The following MPDZ variants were observed in gnomAD, a reference collection of about 807,000 sequenced individuals.
MPDZ encodes multiple PDZ domain crumbs cell polarity complex component, also known as multiple PDZ domain protein.
A neutral mutation model predicts 239.1 loss-of-function variants in MPDZ; 234 were observed. The ratio of observed to expected loss-of-function variants is 0.98; its 90% CI spans 0.88 to 1.09. MPDZ has a LOEUF of 1.09. Among genes scored for constraint, MPDZ ranks in the 50% least tolerant of loss-of-function variants. The pLI, the probability that MPDZ is intolerant of heterozygous loss-of-function variation, is 0.00. For missense variants in MPDZ, 3,175 were observed against 2,510.0 expected, an observed-to-expected ratio of 1.26 and a Z score of -5.66; for synonymous variants, 1,048 against 881.3, an observed-to-expected ratio of 1.19 and a Z score of -3.35.
In MPDZ at chr9:13,192,013, C is replaced by T. The variant is rs563423244; in HGVS notation, c.1968+118G>A. The T allele has an allele frequency of 4.9e-5, 44 of 902,534 alleles. No individual in the cohort carries two copies. In the African/African-American group the frequency reaches 7.1e-4, roughly 14 times the overall value. The allele number at this position is 902,534 out of a possible 1,614,324, so 55.9% of individuals were successfully genotyped here. A position where few individuals can be genotyped will look rare whatever the true frequency, so the allele number is the denominator to read the frequency against. ...TTGTCTGACTTTAAATTCTATCCTCCAAGCCATGGGCGATGTGAGTAAATC... is the reference window on the plus strand; with the variant it reads ...TTGTCTGACTTTAAATTCTATCCTCTAAGCCATGGGCGATGTGAGTAAATC... On this transcript the variant is annotated intron_variant, in intron 15 of 46. Coordinates refer to ENST00000319217, the MANE Select transcript of MPDZ (RefSeq NM_001378778.1).
chr9:13,193,419 A>C, intron 13 of MPDZ, 106 bp from the exon 14 acceptor site: 112 of 1,252,696 alleles, frequency 8.9e-5, no homozygotes, highest in Non-Finnish European at 1.1e-4. Flanking sequence ...CATCTTTCTC[A>C]CAAAGCTTCA....
chr9:13,271,660 G>C (rs1415200932), intron 1 of MPDZ, among the ~76,000 whole-genome samples: 2 of 152,080 alleles, frequency 1.3e-5, no homozygotes, highest in Non-Finnish European at 2.9e-5. Flanking sequence ...TAATTCACAG[G>C]CCTCACTTAT....
At chr9:13,174,977 G>GT (rs1390418241) in intron 21 of MPDZ, among the ~76,000 whole-genome samples, 1 of 152,102 alleles carries the variant, frequency 6.6e-6, no homozygotes, top group African/African-American at 2.4e-5. Flanking sequence ...AGACGTCAGT[G>GT]TAACGGGTAG....
At chr9:13,247,179 C>G (rs1402951395) in intron 3 of MPDZ, among the ~76,000 whole-genome samples, 6 of 152,248 alleles carry the variant, frequency 3.9e-5, no homozygotes, top group Non-Finnish European at 7.4e-5. Flanking sequence ...GTAATTATTC[C>G]TTTTACTGTC....
At chr9:13,261,961 T>C (rs970374231) in intron 1 of MPDZ, among the ~76,000 whole-genome samples, 2 of 151,612 alleles carry the variant, frequency 1.3e-5, no homozygotes, top group East Asian at 3.9e-4. Flanking sequence ...GAGAAGATTA[T>C]CTGAGCCCAG....
At chr9:13,120,118 C>G (rs1259033284) in intron 38 of MPDZ, 1 of 157,084 alleles carries the variant, frequency 6.4e-6, no homozygotes, top group African/African-American at 2.4e-5. Context: ...AACTAAACAC[C>G]ATTTATTAAC....
At chr9:13,136,865 C>T in intron 29 of MPDZ, 62 bp from the exon 30 acceptor site, 1 of 928,464 alleles carries the variant, frequency 1.1e-6, no homozygotes, top group Non-Finnish European at 1.6e-6. Context: ...TTTTATCATC[C>T]TTCCTCATTA....
At chr9:13,278,231 C>T (rs1974684040) in intron 1 of MPDZ, among the ~76,000 whole-genome samples, 1 of 152,132 alleles carries the variant, frequency 6.6e-6, no homozygotes, top group Non-Finnish European at 1.5e-5. Flanking sequence ...AAGTCATGGT[C>T]CTCTTATCTA....
intron 43 of MPDZ, 51 bp downstream of exon 43, chr9:13,111,973 A>G: frequency 6.3e-7 from 1 of 1,592,438 alleles, no homozygotes; most frequent in Non-Finnish European, 8.6e-7. Flanking sequence ...GGTTTATAAA[A>G]ACACTTCTGC....
At chr9:13,238,972 C>G (rs1213262677) in intron 3 of MPDZ, among the ~76,000 whole-genome samples, 1 of 152,050 alleles carries the variant, frequency 6.6e-6, no homozygotes, top group Non-Finnish European at 1.5e-5. Context: ...ATTTTGATTT[C>G]TAACATGGCA....
intron 1 of MPDZ, among the ~76,000 whole-genome samples, chr9:13,251,703 G>A (rs1297685830): frequency 2.6e-5 from 4 of 152,198 alleles, no homozygotes; most frequent in Non-Finnish European, 5.9e-5. Context: ...TGATGTAGAT[G>A]AGCAGATCTA....
intron 15 of MPDZ, among the ~76,000 whole-genome samples, chr9:13,190,787 G>C (rs576556309): frequency 6.6e-6 from 1 of 152,224 alleles, no homozygotes; most frequent in Non-Finnish European, 1.5e-5. Flanking sequence ...AACATACACA[G>C]TGGCAAAACA....
At chr9:13,190,946 A>G (rs925973548) in intron 15 of MPDZ, among the ~76,000 whole-genome samples, 1 of 152,166 alleles carries the variant, frequency 6.6e-6, no homozygotes, top group African/African-American at 2.4e-5. Context: ...TATATAAAGC[A>G]TCAGACAGAA....
At position 13,247,559 on chromosome 9, in the gene MPDZ, C is replaced by T. The variant is rs1205935883; in HGVS notation, c.183+76G>A. The T allele has an allele frequency of 5.4e-6, 8 of 1,486,736 alleles. No individual in the cohort carries two copies. In the East Asian group the frequency reaches 1.9e-4, roughly 35 times the overall value. 92.1% of individuals were successfully genotyped at this position (1,486,736 alleles called of 1,614,324 possible). On this transcript the variant is annotated intron_variant, in intron 3 of 46. Transcript: ENST00000319217. Reference sequence around the variant, plus strand: ...ATTCATTAACACATAGAAAAATCAGCCTTTCAGAAAAACACAAGCCTTTCA... The same window carrying T: ...ATTCATTAACACATAGAAAAATCAGTCTTTCAGAAAAACACAAGCCTTTCA...
rs369632715 is a variant in MPDZ, at chr9:13,250,328, T to A, written c.-13A>T. 1.8e-5 allele frequency: 28 copies of A among 1,584,876 alleles called. No individual in the cohort carries two copies. Among genetic ancestry groups the A allele is most frequent in the Non-Finnish European group, 2.2e-5 (26 of 1,164,082 alleles). ...TGGCTTCCAACATTTTTTTCAAAGT[T>A]CAGTGTTCTTCTCTGAAATGATTAA... On this transcript the variant is annotated 5_prime_UTR_variant, in exon 2 of 47. Coordinates refer to ENST00000319217, the MANE Select transcript of MPDZ (RefSeq NM_001378778.1).
chr9:13,115,185 G>A (rs1285408373), intron 40 of MPDZ, 63 bp downstream of exon 40: 3 of 1,396,822 alleles, frequency 2.1e-6, no homozygotes, highest in Admixed American at 1.8e-5. Context: ...CACAGTCAGG[G>A]CCATCTATGT....
chr9:13,199,379 G>A (rs1456462422), intron 12 of MPDZ, among the ~76,000 whole-genome samples: 1 of 151,872 alleles, frequency 6.6e-6, no homozygotes, highest in African/African-American at 2.4e-5. Flanking sequence ...CTAAATTCAT[G>A]TATCAGTTCT....
intron 27 of MPDZ, among the ~76,000 whole-genome samples, chr9:13,141,492 T>C (rs1466977183): frequency 1.3e-5 from 2 of 152,194 alleles, no homozygotes; most frequent in South Asian, 4.1e-4. Flanking sequence ...CCCTGATACC[T>C]TGAACCTATA....
intron 24 of MPDZ, among the ~76,000 whole-genome samples, chr9:13,156,169 C>T (rs948792338): frequency 6.6e-6 from 1 of 152,106 alleles, no homozygotes; most frequent in East Asian, 1.9e-4. Context: ...TGAATTTTCC[C>T]CCAAATTCAA....
Sources: gnomAD v4.1 joint callset for allele counts (sites outside exome capture counted in the v4.1 genomes callset) on GRCh38, gnomAD v4.1.1 for gene constraint, MANE v1.5 for transcripts, NCBI Gene and HGNC (gene_info 2026-07-23, HGNC 2026-07-21) for gene names.